The following SPEF1 variants were observed in gnomAD, a reference collection of about 807,000 sequenced individuals.
SPEF1 encodes the protein sperm flagella and cilia-associated protein 1.
Under a neutral mutation model 31.8 loss-of-function variants are expected in SPEF1, and 30 were observed. The ratio of observed to expected loss-of-function variants is 0.94; its 90% CI spans 0.70 to 1.28. The LOEUF (loss-of-function observed/expected upper bound fraction) is 1.28, where lower values mean the gene tolerates loss of function less well. Among genes scored for constraint, SPEF1 ranks in the 50% most tolerant of loss-of-function variants. The pLI is 0.00. For synonymous variants in SPEF1, 126 were observed against 130.1 expected (o/e 0.97, Z 0.21); for missense variants, 298 against 309.6 (o/e 0.96, Z 0.28).
intron 4 of SPEF1, 33 bp downstream of exon 4, chr20:3,778,918 A>G (rs747517248): frequency 1.9e-6 from 3 of 1,613,894 alleles, no homozygotes; most frequent in Non-Finnish European, 2.5e-6. Context: ...GAAAGCTCCA[A>G]CCGGGAGGGA....
intron 1 of SPEF1, 35 bp downstream of exon 1, chr20:3,781,143 AC>A (rs1358580784): frequency 1.2e-6 from 2 of 1,612,920 alleles, no homozygotes; most frequent in African/African-American, 2.7e-5. Context: ...ACACGAACAT[AC>A]AGGACAGAAC....
chr20:3,778,295 G>T lies in SPEF1; in HGVS notation c.628C>A (p.Leu210Met), dbSNP rs2088757342. 2.5e-6 allele frequency: 4 copies of T among 1,612,458 alleles called. No individual in the cohort carries two copies. Among genetic ancestry groups the T allele is most frequent in the Admixed American group, 3.3e-5 (2 of 59,844 alleles). Residue 210 changes from leucine to methionine, a missense_variant, in exon 7 of 7, where the codon CTG becomes ATG. Physicochemically the swap from Leu to Met is conservative, Grantham distance 15. Coordinates refer to ENST00000379756, the MANE Select transcript of SPEF1 (RefSeq NM_015417.5). ...VQVLQMKVRR[L>M]EHLLQLKNVR... ...TTCTTGAGCTGGAGCAGGTGCTCCA[G>T]GCGCCTTACCTTCATCTGCAGGACC...
intron 1 of SPEF1, among the ~76,000 whole-genome samples, chr20:3,780,614 C>T (rs901698753): frequency 6.6e-6 from 1 of 152,098 alleles, no homozygotes; most frequent in African/African-American, 2.4e-5. Context: ...TAGACAGAAG[C>T]ACAAAAAGCC....
chr20:3,781,156 T>C, intron 1 of SPEF1, 23 bp downstream of exon 1: 4 of 1,613,912 alleles, frequency 2.5e-6, no homozygotes, highest in Non-Finnish European at 3.4e-6. Flanking sequence ...GGACAGAACA[T>C]GCAGACACAC....
Position 3,778,763 on chromosome 20 carries a change from C to T in SPEF1, c.462G>A (p.Gln154=). The T allele has an allele frequency of 6.2e-7, 1 of 1,613,774 alleles. No homozygotes were observed. The highest frequency in any genetic ancestry group is 8.5e-7 in the Non-Finnish European group (1 of 1,179,776). ...TTCTTTACCTGAGCTGACCCCCTCC[C>T]TGGGGGTCCGGGACACCTTCACCTC... ...KARGEGVPDP[Q]GGGQLSWDRP... is the part of the protein sequence containing the mutation. The change falls in exon 5 of 7, where the codon CAG becomes CAA. Residue 154 remains glutamine (Q), a synonymous_variant. Coordinates refer to ENST00000379756, the MANE Select transcript of SPEF1 (RefSeq NM_015417.5).
intron 3 of SPEF1, 63 bp from the exon 4 acceptor site, chr20:3,779,053 CCCTT>C: frequency 6.2e-7 from 1 of 1,611,776 alleles, no homozygotes; most frequent in Non-Finnish European, 8.5e-7. Context: ...AGCCCCATGT[CCCTT>C]CCACGGGCCC....
At chr20:3,778,631 C>T in intron 5 of SPEF1, 87 bp from the exon 6 acceptor site, 1 of 1,562,760 alleles carries the variant, frequency 6.4e-7, no homozygotes, top group Non-Finnish European at 8.7e-7. Context: ...TTCCCTTCTC[C>T]CCCTCTAGCC....
In SPEF1 at chr20:3,777,865, C is replaced by T. The variant is rs1046908546; in HGVS notation, c.*347G>A. ...GAGCCAAGGGACCGCCCCCCAAGGC[C>T]CAGCGCCGGGAGATGCAAGGCCGGG... On this transcript the variant is annotated 3_prime_UTR_variant, in exon 7 of 7. Transcript: ENST00000379756. The surrounding 1 kb of genome is among the most constrained non-coding windows in gnomAD (Gnocchi z 4.1). 1 of 222,770 alleles carries T rather than the reference C, an allele frequency of 4.5e-6. No individual in the cohort carries two copies. Among genetic ancestry groups the T allele is most frequent in the Non-Finnish European group, 8.8e-6 (1 of 113,646 alleles). 13.8% of individuals were successfully genotyped at this position (222,770 alleles called of 1,614,324 possible).
rs34950477 is a variant in SPEF1 at position 3,781,201 on chromosome 20, G to A, written c.87C>T (p.Leu29=). The A allele has an allele frequency of 1.1e-3, 1,742 of 1,614,210 alleles. 8 individuals are homozygous for A. In the African/African-American group the frequency reaches 0.011, roughly 11 times the overall value. ...NIPLSRPKRN[L]SRDFSDGVLV... is the part of the protein sequence containing the mutation. ...CACCTCCATCGCTAAAGTCCCGGGA[G>A]AGGTTTCGCTTGGGCCGGGACAGAG... The change falls in exon 1 of 7, where the codon CTC becomes CTT. Residue 29 remains leucine, a synonymous_variant. Transcript: ENST00000379756.
intron 1 of SPEF1, 150 bp from the exon 2 acceptor site, chr20:3,779,925 G>C: frequency 5.0e-6 from 3 of 601,238 alleles, no homozygotes; most frequent in Non-Finnish European, 8.9e-6. Flanking sequence ...TAAGGAGGGA[G>C]ACAAAGACAT....
chr20:3,778,733 C>T lies in SPEF1; in HGVS notation c.479+13G>A. 6.2e-7 allele frequency: 1 copy of T among 1,613,368 alleles called. No individual in the cohort carries two copies. Among genetic ancestry groups the T allele is most frequent in the Non-Finnish European group, 8.5e-7 (1 of 1,179,540 alleles). Reference sequence around the variant, plus strand: ...ACCAGCCTGGTGAAGTCTGGAACTCCCAGCTTCTTTACCTGAGCTGACCCC... The same window carrying T: ...ACCAGCCTGGTGAAGTCTGGAACTCTCAGCTTCTTTACCTGAGCTGACCCC... On this transcript the variant is annotated intron_variant, in intron 5 of 6. Coordinates refer to ENST00000379756, the MANE Select transcript of SPEF1 (RefSeq NM_015417.5).
In SPEF1 at chr20:3,778,155, C is replaced by T; in HGVS notation, c.*57G>A. ...TCTATCCATCGGTGGGTGGGTCCGG[C>T]GCGGCGTCGGGGCTCTGGCGGGTAC... On this transcript the variant is annotated 3_prime_UTR_variant, in exon 7 of 7. Transcript: ENST00000379756. 7.9e-7 allele frequency: 1 copy of T among 1,267,736 alleles called. No individual in the cohort carries two copies. The highest frequency in any genetic ancestry group is 1.1e-6 in the Non-Finnish European group (1 of 929,194). 78.5% of individuals were successfully genotyped at this position (1,267,736 alleles called of 1,614,324 possible). A position where few individuals can be genotyped will look rare whatever the true frequency, so the allele number is the denominator to read the frequency against.
intron 5 of SPEF1, 77 bp downstream of exon 5, chr20:3,778,669 G>A: frequency 6.3e-7 from 1 of 1,588,990 alleles, no homozygotes; most frequent in Middle Eastern, 1.7e-4. Flanking sequence ...CTCAGGCTCA[G>A]CGTACCGTGC....
At chr20:3,779,627 C>T (rs1407377199) in intron 2 of SPEF1, 37 bp downstream of exon 2, 3 of 1,459,328 alleles carry the variant, frequency 2.1e-6, no homozygotes, top group East Asian at 2.3e-5. Context: ...CAACCAAGAC[C>T]ATAGGAGATG....
rs7362277 is a variant in SPEF1, at chr20:3,781,352, G to A, written c.-65C>T. 1 of 1,562,990 alleles carries A rather than the reference G, an allele frequency of 6.4e-7. No homozygotes were observed. Among genetic ancestry groups the A allele is most frequent in the Non-Finnish European group, 8.7e-7 (1 of 1,155,974 alleles). On this transcript the variant is annotated 5_prime_UTR_variant, in exon 1 of 7. Transcript: ENST00000379756. ...CCCGCCCCAGCCTCACGACCCTTCA[G>A]GCGCTTCCTTTCTCGCCACTGCAGA...
chr20:3,779,069 CA>C, intron 3 of SPEF1, 79 bp from the exon 4 acceptor site: 1 of 1,606,714 alleles, frequency 6.2e-7, no homozygotes, highest in Non-Finnish European at 8.5e-7. Flanking sequence ...CACGGGCCCC[CA>C]GGCCAGGCTC....
intron 4 of SPEF1, 40 bp downstream of exon 4, chr20:3,778,911 A>C: frequency 6.2e-7 from 1 of 1,613,950 alleles, no homozygotes; most frequent in Non-Finnish European, 8.5e-7. Flanking sequence ...ACAGAAGGAA[A>C]GCTCCAACCG....
intron 2 of SPEF1, 84 bp from the exon 3 acceptor site, chr20:3,779,436 T>G: frequency 3.2e-6 from 4 of 1,249,658 alleles, no homozygotes; most frequent in Non-Finnish European, 4.5e-6. Context: ...GGCATGGTGG[T>G]TGCTGTTCTG....
At position 3,781,322 on chromosome 20, in the gene SPEF1, C is replaced by T. The variant is rs2088778373; in HGVS notation, c.-35G>A. 1 of 1,600,460 alleles carries T rather than the reference C, an allele frequency of 6.2e-7. No individual in the cohort carries two copies. The highest frequency in any genetic ancestry group is 8.5e-7 in the Non-Finnish European group (1 of 1,174,330). On this transcript the variant is annotated 5_prime_UTR_variant, in exon 1 of 7. Coordinates refer to ENST00000379756, the MANE Select transcript of SPEF1 (RefSeq NM_015417.5). ...CACGGCCTGGCCGCCCCAGCGGTGC[C>T]GGGTCCCGCCCCAGCCTCACGACCC...
Sources: gnomAD v4.1 joint callset for allele counts (sites outside exome capture counted in the v4.1 genomes callset) on GRCh38, gnomAD v4.1.1 for gene constraint, Gnocchi (gnomAD v3.1) non-coding constraint, MANE v1.5 for transcripts, NCBI Gene and HGNC (gene_info 2026-07-23, HGNC 2026-07-21) for gene names.